KIAA1549: variants seen among roughly 807,000 people sequenced by gnomAD.
The protein encoded by KIAA1549 is UPF0606 protein KIAA1549.
KIAA1549 carries 70 observed loss-of-function variants against 156.4 expected under a neutral mutation model. The ratio of observed to expected loss-of-function variants is 0.45; its 90% confidence interval spans 0.37 to 0.55. The LOEUF is 0.55. Among genes scored for constraint, KIAA1549 ranks in the 20% least tolerant of loss-of-function variants. The probability of loss-of-function intolerance (pLI) is 0.00; values close to 1 mark genes in which losing one functional copy is unlikely to be tolerated. For synonymous variants in KIAA1549, 1,103 were observed against 1,066.4 expected (o/e 1.03, Z -0.67); for missense variants, 2,428 against 2,540.9 (o/e 0.96, Z 0.96).
At chr7:138,906,713 C>T (rs1812014571) in intron 6 of KIAA1549, among the ~76,000 whole-genome samples, 1 of 151,902 alleles carries the variant, frequency 6.6e-6, no homozygotes, top group Non-Finnish European at 1.5e-5. Flanking sequence ...GTATACTGCT[C>T]GGGTGATGGG....
rs897701504 is a variant in KIAA1549, at chr7:138,834,771, C to T, written c.*3135G>A. 3 of 232,454 alleles carry T rather than the reference C, an allele frequency of 1.3e-5. No individual in the cohort carries two copies. The highest frequency in any genetic ancestry group is 6.6e-5 in the African/African-American group (3 of 45,268). The allele number at this position is 232,454 out of a possible 1,614,324, so 14.4% of individuals were successfully genotyped here. On this transcript the variant is annotated 3_prime_UTR_variant, in exon 20 of 20. Transcript: ENST00000422774. ...GCGTTTCACATCACTCATCCTAGGG[C>T]GTCCACATAGACAGCATGCTACATT...
At chr7:138,859,028 C>CTT (rs1810477340) in intron 16 of KIAA1549, among the ~76,000 whole-genome samples, 1 of 151,376 alleles carries the variant, frequency 6.6e-6, no homozygotes, top group Non-Finnish European at 1.5e-5. Flanking sequence ...CACACACACA[C>CTT]ACACACACAC....
At chr7:138,901,977 G>T (rs972817709) in intron 8 of KIAA1549, among the ~76,000 whole-genome samples, 1 of 151,918 alleles carries the variant, frequency 6.6e-6, no homozygotes, top group African/African-American at 2.4e-5. Context: ...ATACTTTCAC[G>T]GTGTCCTATA....
Position 138,981,282 on chromosome 7 carries a change from C to T in KIAA1549, c.-13G>A, listed in dbSNP as rs1814546763. 1 of 971,368 alleles carries T rather than the reference C, an allele frequency of 1.0e-6. No individual in the cohort carries two copies. Among genetic ancestry groups the T allele is most frequent in the Non-Finnish European group, 1.2e-6 (1 of 819,926 alleles). 60.2% of individuals were successfully genotyped at this position (971,368 alleles called of 1,614,324 possible). A position where few individuals can be genotyped will look rare whatever the true frequency, so the allele number is the denominator to read the frequency against. On this transcript the variant is annotated 5_prime_UTR_variant, in exon 1 of 20. Transcript: ENST00000422774. The surrounding 1 kb of genome is among the most constrained non-coding windows in gnomAD (Gnocchi z 4.5). The stretch of plus-strand genomic sequence containing the variant: ...GCGCCCCCGGCATTCCCGGCCGGCG[C>T]CCCGGCCCGGCCTCGCGGCTCAGCG...
chr7:138,838,126 G>T lies in KIAA1549; in HGVS notation c.5633C>A (p.Ser1878Ter), dbSNP rs868053070. ...AGTCCTTGGCACCTGAAATAGCGGTGAAGAAGAATACTCTTGATGTCCGAG... is the reference window on the plus strand; with the variant it reads ...AGTCCTTGGCACCTGAAATAGCGGTTAAGAAGAATACTCTTGATGTCCGAG... ...HMLGHQEYSSSPLFQVPRTSG... is the reference protein window; with the variant it reads ...HMLGHQEYSS Residue 1878 changes from serine to a stop codon, truncating the protein, a stop_gained, in exon 20 of 20, where the codon TCA becomes TAA. Transcript: ENST00000422774. LOFTEE classifies it high-confidence loss of function. The T allele has an allele frequency of 6.6e-7, 1 of 1,523,692 alleles. No individual in the cohort carries two copies. The highest frequency in any genetic ancestry group is 2.4e-5 in the East Asian group (1 of 41,688). 94.4% of individuals were successfully genotyped at this position (1,523,692 alleles called of 1,614,324 possible). A position where few individuals can be genotyped will look rare whatever the true frequency, so the allele number is the denominator to read the frequency against.
intron 12 of KIAA1549, chr7:138,876,491 G>A (rs1163748951): frequency 1.3e-5 from 2 of 152,218 alleles, no homozygotes; most frequent in Non-Finnish European, 2.9e-5. Context: ...ACATGCAAAA[G>A]TCAGTGTCAG....
intron 16 of KIAA1549, among the ~76,000 whole-genome samples, chr7:138,855,106 GGGGA>G (rs1810348648): frequency 6.6e-6 from 1 of 152,158 alleles, no homozygotes; most frequent in African/African-American, 2.4e-5. Context: ...TCAGGGTGAA[GGGGA>G]GGGAGGGGGA....
chr7:138,896,763 CTTA>C (rs57054808), intron 9 of KIAA1549, among the ~76,000 whole-genome samples: 3 of 151,380 alleles, frequency 2.0e-5, no homozygotes, highest in Admixed American at 6.6e-5. Context: ...GCCCAGCTAG[CTTA>C]TTATTATTAT....
intron 14 of KIAA1549, 36 bp downstream of exon 14, chr7:138,869,502 G>A (rs925719772): frequency 1.9e-5 from 29 of 1,505,020 alleles, no homozygotes; most frequent in Admixed American, 9.8e-5. Flanking sequence ...ACCTCTGCGC[G>A]CCCGCCCCAC....
intron 10 of KIAA1549, among the ~76,000 whole-genome samples, chr7:138,885,292 G>T (rs925141975): frequency 6.6e-6 from 1 of 152,072 alleles, no homozygotes; most frequent in Non-Finnish European, 1.5e-5. Flanking sequence ...AATGCGGAAG[G>T]GGTCCCACGT....
At chr7:138,958,778 A>G (rs1333239312) in intron 1 of KIAA1549, among the ~76,000 whole-genome samples, 1 of 152,208 alleles carries the variant, frequency 6.6e-6, no homozygotes, top group Non-Finnish European at 1.5e-5. Context: ...ACAATCCAAG[A>G]TGATCCAAAC....
chr7:138,959,738 T>G lies in KIAA1549; in HGVS notation c.187+21345A>C, dbSNP rs186260379. ...TATGTAGATTTAACTGTCAAAGAGG[T>G]GTAACTTGATACATTCCTAAGAGCT... On this transcript the variant is annotated intron_variant, in intron 1 of 19. Transcript: ENST00000422774. 2.5e-3 allele frequency among the ~76,000 whole-genome samples: 380 copies of G among 152,296 alleles called. 3 individuals carry two copies. The highest frequency in any genetic ancestry group is 8.6e-3 in the African/African-American group (356 of 41,564).
At chr7:138,971,355 C>A (rs1814216180) in intron 1 of KIAA1549, among the ~76,000 whole-genome samples, 1 of 152,170 alleles carries the variant, frequency 6.6e-6, no homozygotes, top group South Asian at 2.1e-4. Context: ...TGTCCCCAGA[C>A]AAGCCACCTG....
chr7:138,977,948 C>A (rs1018270302), intron 1 of KIAA1549, among the ~76,000 whole-genome samples: 7 of 152,222 alleles, frequency 4.6e-5, no homozygotes, highest in African/African-American at 1.7e-4. Flanking sequence ...GATCCGCCCA[C>A]CTCGGCTTCC....
rs551311245 is a variant in KIAA1549, at chr7:138,851,798, G to A, written c.5294+425C>T. Among the ~76,000 whole-genome samples, 3 of 152,220 alleles carry A rather than the reference G, an allele frequency of 2.0e-5. No homozygotes were observed. The East Asian group carries it at 5.8e-4, about 29-fold the overall frequency. On this transcript the variant is annotated intron_variant, in intron 17 of 19. Coordinates refer to ENST00000422774, the MANE Select transcript of KIAA1549 (RefSeq NM_001164665.2). ...TGGATGTTTACCAGGGTCTCCCCTC[G>A]TGCTCCCAGCCCCATGAGTCTGTCA...
chr7:138,978,933 G>C (rs1377451372), intron 1 of KIAA1549, among the ~76,000 whole-genome samples: 1 of 152,170 alleles, frequency 6.6e-6, no homozygotes, highest in East Asian at 1.9e-4. Flanking sequence ...CCTCCACCAA[G>C]ATCGTTCCTC....
chr7:138,877,311 T>G (rs368081000), intron 12 of KIAA1549, among the ~76,000 whole-genome samples: 230 of 152,308 alleles, frequency 1.5e-3, no homozygotes, highest in Middle Eastern at 6.8e-3. Flanking sequence ...CTGGCCAACA[T>G]GGCAAAACCC....
intron 1 of KIAA1549, among the ~76,000 whole-genome samples, chr7:138,965,371 T>C (rs903946987): frequency 6.6e-6 from 1 of 152,182 alleles, no homozygotes; most frequent in Non-Finnish European, 1.5e-5. Context: ...TTGTATTTTT[T>C]GTAGAGATGG....
chr7:138,937,071 T>C (rs1357565816), intron 1 of KIAA1549, among the ~76,000 whole-genome samples: 6 of 152,114 alleles, frequency 3.9e-5, no homozygotes, highest in Admixed American at 3.3e-4. Flanking sequence ...GCCAAAGCCC[T>C]CAGCTGAGAT....
Sources: gnomAD v4.1 joint callset for allele counts (sites outside exome capture counted in the v4.1 genomes callset) on GRCh38, gnomAD v4.1.1 for gene constraint, Gnocchi (gnomAD v3.1) non-coding constraint, MANE v1.5 for transcripts, NCBI Gene and HGNC (gene_info 2026-07-23, HGNC 2026-07-21) for gene names.